Variants in APAF1 observed in about 807,000 individuals in gnomAD.
APAF1 encodes apoptotic protease-activating factor 1.
In APAF1, 91 loss-of-function variants were observed where a neutral mutation model predicts 152.4. The observed-to-expected ratio is 0.60, with a 90% CI of 0.50 to 0.71. The LOEUF (loss-of-function observed/expected upper bound fraction) is 0.71. APAF1 is among the 30% of genes least tolerant of loss of function. APAF1 has a pLI of 0.00. For synonymous variants in APAF1, 484 were observed against 494.1 expected (o/e 0.98, Z 0.27); for missense variants, 1,283 against 1,472.0 (o/e 0.87, Z 2.10).
At chr12:98,704,131 T>G (rs917733162) in intron 18 of APAF1, among the ~76,000 whole-genome samples, 2 of 151,076 alleles carry the variant, frequency 1.3e-5, no homozygotes, top group African/African-American at 2.4e-5. Flanking sequence ...AGTGCTTTTT[T>G]TTTTTGTTTT....
chr12:98,691,206 G>GAA (rs368564782), intron 16 of APAF1, among the ~76,000 whole-genome samples: 1 of 150,398 alleles, frequency 6.6e-6, no homozygotes, highest in African/African-American at 2.4e-5. Flanking sequence ...ACTCCGTCTT[G>GAA]AAAAAAAAAG....
At chr12:98,654,568 C>T (rs1034376707) in intron 4 of APAF1, among the ~76,000 whole-genome samples, 18 of 152,144 alleles carry the variant, frequency 1.2e-4, no homozygotes, top group South Asian at 4.2e-4. Flanking sequence ...CCACCACACC[C>T]GGCTAATTTT....
intron 4 of APAF1, among the ~76,000 whole-genome samples, chr12:98,657,837 A>G (rs978966494): frequency 2.6e-5 from 4 of 152,232 alleles, no homozygotes; most frequent in African/African-American, 9.6e-5. Context: ...AAATGAAGAT[A>G]ATAGTGTCTG....
chr12:98,695,209 C>T (rs1358892594), intron 16 of APAF1, among the ~76,000 whole-genome samples: 8 of 152,034 alleles, frequency 5.3e-5, no homozygotes, highest in African/African-American at 1.9e-4. Flanking sequence ...CGCACCACCA[C>T]ACCTGGCTCA....
At chr12:98,712,225 GTTTTA>G (rs775893970) in intron 20 of APAF1, 89 bp from the exon 21 acceptor site, 33 of 777,646 alleles carry the variant, frequency 4.2e-5, no homozygotes, top group Non-Finnish European at 6.5e-5. Context: ...TATTTTCTGT[GTTTTA>G]TTTTATTTTT....
chr12:98,704,077 T>G (rs1201394475), intron 18 of APAF1, among the ~76,000 whole-genome samples: 1 of 152,214 alleles, frequency 6.6e-6, no homozygotes, highest in Non-Finnish European at 1.5e-5. Context: ...TATATTAGTT[T>G]TTTCATAAAG....
chr12:98,651,954 A>G (rs997242481), intron 4 of APAF1, among the ~76,000 whole-genome samples: 37 of 152,126 alleles, frequency 2.4e-4, no homozygotes, highest in Non-Finnish European at 5.1e-4. Flanking sequence ...AGCTGGGACC[A>G]CAGGTGCATG....
chr12:98,653,005 C>CT lies in APAF1; in HGVS notation c.526+3322dup, dbSNP rs781095784. On this transcript the variant is annotated intron_variant, in intron 4 of 26. Transcript: ENST00000551964. ...TGGGTGTTCTCAGTAGACGAGAACT[C>CT]TGATGTAGTCAAACTAATCAGTTTT... is the stretch of plus-strand genomic sequence containing the variant. Among the ~76,000 whole-genome samples the CT allele has an allele frequency of 1.1e-4, 16 of 151,858 alleles. 2 individuals are homozygous for CT. The highest frequency in any genetic ancestry group is 3.9e-4 in the East Asian group (2 of 5,178).
chr12:98,704,122 G>A (rs548994856), intron 18 of APAF1, among the ~76,000 whole-genome samples: 7 of 151,392 alleles, frequency 4.6e-5, no homozygotes, highest in Non-Finnish European at 1.0e-4. Flanking sequence ...AGATGGATTA[G>A]TGCTTTTTTT....
At chr12:98,671,492 G>C (rs974980137) in intron 11 of APAF1, 43 bp from the exon 12 acceptor site, 3 of 1,546,346 alleles carry the variant, frequency 1.9e-6, no homozygotes, top group Non-Finnish European at 2.7e-6. Context: ...ATGTCAGATC[G>C]TGGCTCTGAT....
intron 12 of APAF1, among the ~76,000 whole-genome samples, chr12:98,672,671 A>G (rs2097681729): frequency 1.3e-5 from 2 of 152,208 alleles, no homozygotes; most frequent in African/African-American, 2.4e-5. Context: ...CATCTTTTTA[A>G]TGCCTGTTAT....
chr12:98,732,268 A>G (rs2097763357), intron 26 of APAF1, 152 bp from the exon 27 acceptor site: 2 of 702,976 alleles, frequency 2.8e-6, no homozygotes, highest in Non-Finnish European at 2.5e-6. Flanking sequence ...ACCAGGTTGA[A>G]TAGTATATTC....
intron 15 of APAF1, among the ~76,000 whole-genome samples, chr12:98,686,525 C>T (rs1037613679): frequency 1.1e-4 from 16 of 152,172 alleles, no homozygotes; most frequent in Non-Finnish European, 1.9e-4. Flanking sequence ...CCTCGGTGAG[C>T]CTTTGAGTCC....
intron 17 of APAF1, among the ~76,000 whole-genome samples, chr12:98,700,846 A>G (rs978151524): frequency 1.3e-5 from 2 of 152,232 alleles, no homozygotes; most frequent in Non-Finnish European, 2.9e-5. Flanking sequence ...ATATAAATGG[A>G]ATCATATAAT....
chr12:98,714,300 A>G (rs915605350), intron 21 of APAF1, among the ~76,000 whole-genome samples: 1 of 152,232 alleles, frequency 6.6e-6, no homozygotes, highest in African/African-American at 2.4e-5. Context: ...ATCAAATAAT[A>G]TAAATAATAC....
intron 5 of APAF1, among the ~76,000 whole-genome samples, chr12:98,661,092 G>A (rs2288735): frequency 0.13 from 20,430 of 152,022 alleles, 1,689 homozygotes; most frequent in Non-Finnish European, 0.19. Context: ...TAGTAGAGAT[G>A]AGGTTTCACC....
At chr12:98,702,552 T>G (rs1015492832) in intron 17 of APAF1, among the ~76,000 whole-genome samples, 2 of 151,874 alleles carry the variant, frequency 1.3e-5, no homozygotes, top group African/African-American at 4.8e-5. Flanking sequence ...CGGCTGGGCG[T>G]GGTGGCTCAC....
intron 7 of APAF1, 125 bp downstream of exon 7, chr12:98,662,931 T>C (rs2097667402): frequency 2.6e-6 from 2 of 769,530 alleles, no homozygotes. Context: ...GGAGATTTAG[T>C]ATTTTAGGTT....
At chr12:98,674,364 A>G (rs2097684211) in intron 12 of APAF1, among the ~76,000 whole-genome samples, 1 of 152,164 alleles carries the variant, frequency 6.6e-6, no homozygotes, top group Non-Finnish European at 1.5e-5. Context: ...TGAAAAGTCA[A>G]AGACTAGCCA....
Sources: allele counts gnomAD v4.1 joint callset (sites outside exome capture counted in the v4.1 genomes callset), GRCh38; gene constraint gnomAD v4.1.1; transcripts MANE v1.5; gene names NCBI Gene and HGNC (gene_info 2026-07-23, HGNC 2026-07-21).